ERBIN: variants seen among roughly 807,000 people sequenced by gnomAD.
ERBIN encodes erbb2 interacting protein.
ERBIN carries 60 observed loss-of-function variants against 158.4 expected under a neutral mutation model. The ratio of observed to expected loss-of-function variants is 0.38; its 90% CI spans 0.31 to 0.47. ERBIN has a LOEUF of 0.47. Ranked by LOEUF, ERBIN falls within the 20% of genes least tolerant of loss-of-function variation. ERBIN has a pLI of 0.99. For missense variants in ERBIN, 1,610 were observed against 1,648.0 expected (o/e 0.98, Z 0.40); for synonymous variants, 594 against 557.2 (o/e 1.07, Z -0.93).
chr5:65,935,467 G>A (rs1031614738), intron 1 of ERBIN, among the ~76,000 whole-genome samples: 2 of 152,154 alleles, frequency 1.3e-5, no homozygotes, highest in African/African-American at 2.4e-5. Flanking sequence ...ACATTTTTGA[G>A]CCAGAAGTGT....
At chr5:65,933,764 G>A (rs1214295533) in intron 1 of ERBIN, among the ~76,000 whole-genome samples, 1 of 151,982 alleles carries the variant, frequency 6.6e-6, no homozygotes, top group African/African-American at 2.4e-5. Flanking sequence ...CCCCTCCCAG[G>A]TTTTCAGCAC....
intron 21 of ERBIN, among the ~76,000 whole-genome samples, chr5:66,063,266 T>C (rs1040615447): frequency 1.3e-5 from 2 of 152,182 alleles, no homozygotes; most frequent in African/African-American, 4.8e-5. Flanking sequence ...AGCCTCGCTG[T>C]GGCCTTGCAG....
At position 66,024,411 on chromosome 5, in the gene ERBIN, T is replaced by A; in HGVS notation, c.778T>A (p.Leu260Ile). ...STCENLQDLL[L>I]SSNSLQQLPE... is the part of the protein sequence containing the mutation. Reference sequence around the variant, plus strand: ...ATGTGAAAACCTTCAAGACCTCCTATTATCAAGCAATTCACTTCAGCAGCT... The same window carrying A: ...ATGTGAAAACCTTCAAGACCTCCTAATATCAAGCAATTCACTTCAGCAGCT... The change falls in exon 10 of 26, where the codon TTA (leucine) becomes ATA (isoleucine). Residue 260 changes from leucine to isoleucine, a missense_variant. Leu to Ile is a conservative substitution (Grantham distance 5). Transcript: ENST00000284037. 6.2e-7 allele frequency: 1 copy of A among 1,603,620 alleles called. No individual in the cohort carries two copies. Among genetic ancestry groups the A allele is most frequent in the Non-Finnish European group, 8.5e-7 (1 of 1,177,330 alleles).
chr5:65,964,941 T>TGTGTGTGC (rs1394546769), intron 1 of ERBIN, among the ~76,000 whole-genome samples: 6 of 115,578 alleles, frequency 5.2e-5, no homozygotes, highest in African/African-American at 1.6e-4. Context: ...TGTGTGTGTG[T>TGTGTGTGC]GTGTAATTTT....
chr5:65,983,286 A>G (rs1750845906), intron 1 of ERBIN, among the ~76,000 whole-genome samples: 2 of 152,154 alleles, frequency 1.3e-5, no homozygotes, highest in African/African-American at 4.8e-5. Context: ...AGCCATCAAC[A>G]TCTTTTCCTT....
chr5:65,954,883 G>A lies in ERBIN; in HGVS notation c.-58+28077G>A, dbSNP rs543410950. ...AGTTTGAGACCAGCCTGGGCAACAT[G>A]GTGAAGCTCCGTCTCTACTAAAAAT... On this transcript the variant is annotated intron_variant, in intron 1 of 25. Transcript: ENST00000284037. Among the ~76,000 whole-genome samples, 4 of 152,040 alleles carry A rather than the reference G, an allele frequency of 2.6e-5. No individual in the cohort carries two copies. In the South Asian group the frequency reaches 8.3e-4, roughly 32 times the overall value.
At position 66,078,406 on chromosome 5, in the gene ERBIN, C is replaced by G. The variant is rs1762209788; in HGVS notation, c.4132-17C>G. 1 of 1,462,738 alleles carries G rather than the reference C, an allele frequency of 6.8e-7. No individual in the cohort carries two copies. The highest frequency in any genetic ancestry group is 1.2e-5 in the South Asian group (1 of 81,454). The allele number at this position is 1,462,738 out of a possible 1,614,324, so 90.6% of individuals were successfully genotyped here. A position where few individuals can be genotyped will look rare whatever the true frequency, so the allele number is the denominator to read the frequency against. ...AACTATAAAATGTTTTTCCTAAAAG[C>G]ATTTTTCCTCTTCTAGGCTAATGGC... On this transcript the variant is annotated splice_polypyrimidine_tract_variant and intron_variant, in intron 25 of 25. Transcript: ENST00000284037.
intron 13 of ERBIN, among the ~76,000 whole-genome samples, chr5:66,027,483 G>C (rs1277176125): frequency 6.6e-6 from 1 of 151,952 alleles, no homozygotes; most frequent in African/African-American, 2.4e-5. Flanking sequence ...TGTGGGTTCT[G>C]CAAGTGTGGA....
At position 66,078,631 on chromosome 5, in the gene ERBIN, C is replaced by CA; in HGVS notation, c.*107dup. The CA allele has an allele frequency of 1.4e-6, 1 of 735,678 alleles. No individual in the cohort carries two copies. The highest frequency in any genetic ancestry group is 2.3e-6 in the Non-Finnish European group (1 of 435,154). The allele number at this position is 735,678 out of a possible 1,614,324, so 45.6% of individuals were successfully genotyped here. On this transcript the variant is annotated 3_prime_UTR_variant, in exon 26 of 26. Coordinates refer to ENST00000284037, the MANE Select transcript of ERBIN (RefSeq NM_001253697.2). ...CTATTTTTATATATAAAGAAGAACT[C>CA]AAAAAATTATGTTCAAATTTGTACA...
intron 1 of ERBIN, among the ~76,000 whole-genome samples, chr5:65,975,478 G>T (rs1406972970): frequency 6.6e-6 from 1 of 152,092 alleles, no homozygotes; most frequent in Non-Finnish European, 1.5e-5. Flanking sequence ...GCTAATTTTT[G>T]CATTTTTAGT....
chr5:66,032,585 G>T (rs1460344036), intron 14 of ERBIN, among the ~76,000 whole-genome samples: 1 of 152,146 alleles, frequency 6.6e-6, no homozygotes, highest in Non-Finnish European at 1.5e-5. Context: ...GTGTAACATT[G>T]AACAGGCAAA....
intron 21 of ERBIN, among the ~76,000 whole-genome samples, chr5:66,071,311 G>A (rs547587924): frequency 1.3e-5 from 2 of 152,260 alleles, no homozygotes; most frequent in South Asian, 4.1e-4. Context: ...CGAGGCTGCG[G>A]TGAGCCTTGA....
intron 21 of ERBIN, among the ~76,000 whole-genome samples, chr5:66,070,828 ACT>A (rs1761460728): frequency 1.3e-5 from 2 of 152,258 alleles, no homozygotes; most frequent in African/African-American, 4.8e-5. Context: ...GAAATCCTTA[ACT>A]CTATATGTAT....
chr5:66,028,278 A>C lies in ERBIN; in HGVS notation c.1141A>C (p.Lys381Gln), dbSNP rs1433079559. The change falls in exon 14 of 26, where the codon AAG becomes CAG. Residue 381 changes from lysine to glutamine, a missense_variant. Lys to Gln is a moderately conservative substitution (Grantham distance 53, BLOSUM62 1). Around this residue, in one of 2 missense-constraint regions of ERBIN, gnomAD observed 596 missense variants for 711.9 expected, o/e 0.84. Transcript: ENST00000284037. ...KVINLSDNRLKNLPFSFTKLQ... is the reference protein window; with the variant it reads ...KVINLSDNRLQNLPFSFTKLQ... ...GTTTGTATTTTTTTCCTACAGATTA[A>C]AGAATTTACCCTTTAGCTTTACAAA... is the stretch of plus-strand genomic sequence containing the variant. 6.2e-7 allele frequency: 1 copy of C among 1,607,780 alleles called. No individual in the cohort carries two copies. The highest frequency in any genetic ancestry group is 8.5e-7 in the Non-Finnish European group (1 of 1,176,622).
At chr5:65,995,604 C>CT (rs1434346505) in intron 4 of ERBIN, among the ~76,000 whole-genome samples, 1 of 152,198 alleles carries the variant, frequency 6.6e-6, no homozygotes. Context: ...GTAAATATTT[C>CT]TTCAGCATAC....
At chr5:66,053,280 G>T in intron 20 of ERBIN, 126 bp from the exon 21 acceptor site, 2 of 488,170 alleles carry the variant, frequency 4.1e-6, no homozygotes. Context: ...GATAATAAAT[G>T]CCTTTTGTCT....
intron 21 of ERBIN, among the ~76,000 whole-genome samples, chr5:66,062,659 A>T (rs2151272775): frequency 6.6e-6 from 1 of 151,926 alleles, no homozygotes; most frequent in Non-Finnish European, 1.5e-5. Flanking sequence ...TTTTTTCCCC[A>T]TCTTTGTGGT....
At position 66,016,821 on chromosome 5, in the gene ERBIN, G is replaced by A. The variant is rs114442436; in HGVS notation, c.533+2096G>A. Among the ~76,000 whole-genome samples, 796 of 152,026 alleles carry A rather than the reference G, an allele frequency of 5.2e-3. 3 individuals carry two copies. Among genetic ancestry groups the A allele is most frequent in the African/African-American group, 0.018 (761 of 41,464 alleles). ...GTAGAGACGGGGTTTTGCTGTGTTG[G>A]TCAGACTGGTCTCGAACTCCTGGCC... On this transcript the variant is annotated intron_variant, in intron 7 of 25. Coordinates refer to ENST00000284037, the MANE Select transcript of ERBIN (RefSeq NM_001253697.2).
intron 4 of ERBIN, among the ~76,000 whole-genome samples, chr5:66,010,836 T>G (rs140761703): frequency 6.8e-4 from 103 of 152,358 alleles, no homozygotes; most frequent in African/African-American, 2.1e-3. Flanking sequence ...AACAGTGCTT[T>G]TTAAAGTTGA....
Sources: allele counts gnomAD v4.1 joint callset (sites outside exome capture counted in the v4.1 genomes callset), GRCh38; gene constraint gnomAD v4.1.1; regional missense constraint gnomAD v4.1.1; transcripts MANE v1.5; gene names NCBI Gene and HGNC (gene_info 2026-07-23, HGNC 2026-07-21).